ADGRL3: variants seen among roughly 807,000 people sequenced by gnomAD.
ADGRL3 encodes the protein adhesion G protein-coupled receptor L3, also known as calcium-independent alpha-latrotoxin receptor 3.
ADGRL3 carries 62 observed loss-of-function variants against 153.5 expected under a neutral mutation model. That is an observed-to-expected ratio of 0.40 (90% CI 0.33 to 0.50). The LOEUF is 0.50. Ranked by LOEUF, ADGRL3 falls within the 20% of genes least tolerant of loss-of-function variation. The pLI, the probability that ADGRL3 is intolerant of heterozygous loss-of-function variation, is 0.47. For missense variants in ADGRL3, 1,641 were observed against 1,859.4 expected (o/e 0.88, Z 2.16); for synonymous variants, 710 against 672.5 (o/e 1.06, Z -0.86).
intron 6 of ADGRL3, among the ~76,000 whole-genome samples, chr4:61,692,227 G>A (rs139383243): frequency 4.1e-4 from 63 of 152,142 alleles, no homozygotes; most frequent in African/African-American, 1.4e-3. Context: ...TAGGTGATAG[G>A]ATTTTTATTT....
At chr4:61,287,980 C>T (rs1480529658) in intron 1 of ADGRL3, among the ~76,000 whole-genome samples, 1 of 151,894 alleles carries the variant, frequency 6.6e-6, no homozygotes, top group South Asian at 2.1e-4. Context: ...TCACTCTCTC[C>T]CCCTTACTTT....
intron 9 of ADGRL3, among the ~76,000 whole-genome samples, chr4:61,858,036 C>T (rs1467064675): frequency 6.6e-6 from 1 of 152,126 alleles, no homozygotes; most frequent in Non-Finnish European, 1.5e-5. Flanking sequence ...TCACAAATGA[C>T]TTCTCATTAT....
intron 3 of ADGRL3, among the ~76,000 whole-genome samples, chr4:61,500,535 G>A (rs1283425205): frequency 6.6e-6 from 1 of 152,120 alleles, no homozygotes; most frequent in Admixed American, 6.6e-5. Flanking sequence ...AGATGACTGG[G>A]TTAAAATGTA....
At chr4:61,454,381 A>G (rs2097709866) in intron 2 of ADGRL3, among the ~76,000 whole-genome samples, 1 of 152,168 alleles carries the variant, frequency 6.6e-6, no homozygotes, top group African/African-American at 2.4e-5. Context: ...ATATTCAGAT[A>G]TCTTATAACA....
At chr4:61,215,114 A>C (rs906470775) in intron 1 of ADGRL3, among the ~76,000 whole-genome samples, 3 of 152,200 alleles carry the variant, frequency 2.0e-5, no homozygotes, top group Admixed American at 6.5e-5. Context: ...GACTTTAAAC[A>C]ATATCTTTGA....
intron 1 of ADGRL3, among the ~76,000 whole-genome samples, chr4:61,356,545 A>AT (rs1295031482): frequency 7.2e-5 from 11 of 151,996 alleles, no homozygotes; most frequent in African/African-American, 2.4e-4. Context: ...TTTTGTAAGC[A>AT]TTTTTTCATT....
intron 1 of ADGRL3, among the ~76,000 whole-genome samples, chr4:61,376,822 T>C (rs1304827296): frequency 6.6e-6 from 1 of 152,214 alleles, no homozygotes; most frequent in Non-Finnish European, 1.5e-5. Context: ...CCTTAGATAC[T>C]AGCAGTAAGT....
chr4:61,380,009 G>A (rs891689937), intron 1 of ADGRL3, among the ~76,000 whole-genome samples: 1 of 151,876 alleles, frequency 6.6e-6, no homozygotes, highest in Non-Finnish European at 1.5e-5. Flanking sequence ...CAACCTCAGA[G>A]AATTGTTTTA....
chr4:62,041,604 G>T (rs1184209251), intron 24 of ADGRL3, among the ~76,000 whole-genome samples: 2 of 151,814 alleles, frequency 1.3e-5, no homozygotes, highest in Admixed American at 6.6e-5. Flanking sequence ...CTCCAGAAAG[G>T]CTCCTAAATT....
intron 8 of ADGRL3, among the ~76,000 whole-genome samples, chr4:61,787,220 T>A (rs2097287354): frequency 6.6e-6 from 1 of 152,180 alleles, no homozygotes; most frequent in Non-Finnish European, 1.5e-5. Context: ...TCACATAAGA[T>A]GAATTATTGT....
chr4:61,787,593 A>G (rs1421644819), intron 8 of ADGRL3, among the ~76,000 whole-genome samples: 1 of 152,132 alleles, frequency 6.6e-6, no homozygotes, highest in Non-Finnish European at 1.5e-5. Context: ...CATTCAAAAG[A>G]ATTATGTTTT....
At chr4:61,599,255 G>A (rs1220301715) in intron 5 of ADGRL3, among the ~76,000 whole-genome samples, 1 of 152,210 alleles carries the variant, frequency 6.6e-6, no homozygotes, top group Non-Finnish European at 1.5e-5. Flanking sequence ...TGGCCTCTCA[G>A]ATCATTCATT....
At chr4:61,793,399 G>A (rs977889800) in intron 8 of ADGRL3, among the ~76,000 whole-genome samples, 3 of 152,070 alleles carry the variant, frequency 2.0e-5, no homozygotes, top group Non-Finnish European at 2.9e-5. Flanking sequence ...CTCCAGCCTG[G>A]GCGACAGAGC....
At chr4:61,619,639 C>T (rs1163144987) in intron 5 of ADGRL3, among the ~76,000 whole-genome samples, 2 of 152,014 alleles carry the variant, frequency 1.3e-5, no homozygotes, top group African/African-American at 4.8e-5. Flanking sequence ...TTCAGTTTTT[C>T]CCTGGTGTTC....
chr4:61,998,315 C>G, intron 21 of ADGRL3, 50 bp downstream of exon 21: 1 of 886,066 alleles, frequency 1.1e-6, no homozygotes, highest in Non-Finnish European at 1.7e-6. Flanking sequence ...CATTTATACT[C>G]CAAACTATCC....
At chr4:61,312,829 T>C (rs886474357) in intron 1 of ADGRL3, among the ~76,000 whole-genome samples, 1 of 152,172 alleles carries the variant, frequency 6.6e-6, no homozygotes, top group Non-Finnish European at 1.5e-5. Flanking sequence ...GACAGTTTCT[T>C]ACAATACTCT....
intron 4 of ADGRL3, among the ~76,000 whole-genome samples, chr4:61,555,265 C>CATATAAAA (rs1219858776): frequency 1.3e-5 from 2 of 152,110 alleles, no homozygotes; most frequent in Non-Finnish European, 2.9e-5. Flanking sequence ...CCTTCATATA[C>CATATAAAA]TTTAGAATAT....
At chr4:61,256,668 G>A (rs1333964459) in intron 1 of ADGRL3, among the ~76,000 whole-genome samples, 2 of 152,006 alleles carry the variant, frequency 1.3e-5, no homozygotes, top group Admixed American at 6.6e-5. Flanking sequence ...TTTGCCTTAC[G>A]AATGATTCGC....
chr4:61,412,194 T>C (rs1183773650), intron 2 of ADGRL3, among the ~76,000 whole-genome samples: 3 of 152,104 alleles, frequency 2.0e-5, no homozygotes, highest in African/African-American at 7.2e-5. Context: ...CTTCCTCCCA[T>C]CTCAGCCTCA....
Sources: gnomAD v4.1 joint callset for allele counts (sites outside exome capture counted in the v4.1 genomes callset) on GRCh38, gnomAD v4.1.1 for gene constraint, MANE v1.5 for transcripts, NCBI Gene and HGNC (gene_info 2026-07-23, HGNC 2026-07-21) for gene names.